The following CLMN variants were observed in gnomAD, a reference collection of about 807,000 sequenced individuals.
CLMN encodes the protein calmin, also known as calmin (calponin-like, transmembrane).
CLMN carries 57 observed loss-of-function variants against 92.7 expected under a neutral mutation model. The observed-to-expected ratio is 0.61, with a 90% CI of 0.50 to 0.77. The LOEUF (loss-of-function observed/expected upper bound fraction) is 0.77. CLMN is among the 30% of genes least tolerant of loss of function. CLMN has a pLI of 0.00. For synonymous variants in CLMN, 466 were observed against 470.6 expected (o/e 0.99, Z 0.13); for missense variants, 1,158 against 1,237.5 (o/e 0.94, Z 0.96).
rs76839602 is a variant in CLMN at position 95,237,792 on chromosome 14, G to A, written c.83-7659C>T. ...CAACCTTTTATATAAGTGACCTCCC[G>A]AGATGCTTTACATGCACTTGCTCAT... On this transcript the variant is annotated intron_variant, in intron 1 of 12. Transcript: ENST00000298912. Among the ~76,000 whole-genome samples the A allele has an allele frequency of 1.7e-4, 26 of 152,212 alleles. No homozygotes were observed. In the South Asian group the frequency reaches 4.1e-3, roughly 24 times the overall value.
At chr14:95,193,762 G>A (rs1595549792) in intron 12 of CLMN, 87 bp downstream of exon 12, 2 of 1,485,284 alleles carry the variant, frequency 1.3e-6, no homozygotes, top group East Asian at 4.5e-5. Flanking sequence ...CAAAGCAGTG[G>A]GAGAATAACC....
At position 95,194,442 on chromosome 14, in the gene CLMN, A is replaced by G. The variant is rs1896643862; in HGVS notation, c.2769+94T>C. On this transcript the variant is annotated intron_variant, in intron 11 of 12. Transcript: ENST00000298912. This position sits in a 1 kb window ranked among gnomAD's most constrained non-coding sequence, Gnocchi z 4.0. ...TCCAAAAGTATAGCTGTTGCATGCC[A>G]GTAATTTCAAAGCTCTGGGCTGGGG... is the stretch of plus-strand genomic sequence containing the variant. 1 of 1,599,734 alleles carries G rather than the reference A, an allele frequency of 6.3e-7. No homozygotes were observed. The highest frequency in any genetic ancestry group is 8.5e-7 in the Non-Finnish European group (1 of 1,171,568).
chr14:95,191,476 A>G lies in CLMN; in HGVS notation c.*88T>C. On this transcript the variant is annotated 3_prime_UTR_variant, in exon 13 of 13. Coordinates refer to ENST00000298912, the MANE Select transcript of CLMN (RefSeq NM_024734.4). This position sits in a 1 kb window ranked among gnomAD's most constrained non-coding sequence, Gnocchi z 5.3. ...TCCTCGGAGGTCCTCAACTGTCTGT[A>G]GAAGTGCCCCACCCAGAACCCAAAA... 1 of 1,111,764 alleles carries G rather than the reference A, an allele frequency of 9.0e-7. No homozygotes were observed. Among genetic ancestry groups the G allele is most frequent in the Non-Finnish European group, 1.2e-6 (1 of 800,176 alleles). 68.9% of individuals were successfully genotyped at this position (1,111,764 alleles called of 1,614,324 possible). A position where few individuals can be genotyped will look rare whatever the true frequency, so the allele number is the denominator to read the frequency against.
chr14:95,215,489 G>T, intron 5 of CLMN, 152 bp downstream of exon 5: 1 of 649,668 alleles, frequency 1.5e-6, no homozygotes, highest in Non-Finnish European at 2.7e-6. Context: ...TTAGCAACCA[G>T]ATTCTTCTAG....
intron 1 of CLMN, among the ~76,000 whole-genome samples, chr14:95,261,199 A>AG (rs903188644): frequency 2.0e-4 from 31 of 151,882 alleles, no homozygotes; most frequent in Non-Finnish European, 3.4e-4. Context: ...ATGCAAAAAA[A>AG]AAAAAAAAAG....
intron 1 of CLMN, among the ~76,000 whole-genome samples, chr14:95,304,009 G>A (rs1172217653): frequency 3.3e-5 from 5 of 152,182 alleles, no homozygotes; most frequent in African/African-American, 1.2e-4. Flanking sequence ...GTAGCAAGAA[G>A]GACCAGTGGT....
At chr14:95,270,357 C>T (rs779464979) in intron 1 of CLMN, among the ~76,000 whole-genome samples, 2 of 152,192 alleles carry the variant, frequency 1.3e-5, no homozygotes, top group Non-Finnish European at 2.9e-5. Flanking sequence ...AGTCTATGCA[C>T]AGAGTTGTAT....
chr14:95,313,099 G>A (rs1202362441), intron 1 of CLMN, among the ~76,000 whole-genome samples: 1 of 152,162 alleles, frequency 6.6e-6, no homozygotes, highest in Non-Finnish European at 1.5e-5. Flanking sequence ...CCAGCTACTC[G>A]AGAGGCTAAA....
At chr14:95,308,436 C>A (rs1481331434) in intron 1 of CLMN, among the ~76,000 whole-genome samples, 1 of 152,330 alleles carries the variant, frequency 6.6e-6, no homozygotes, top group Non-Finnish European at 1.5e-5. Context: ...ACATTCAAAT[C>A]TCATCTTACT....
At chr14:95,311,777 G>A (rs993451794) in intron 1 of CLMN, among the ~76,000 whole-genome samples, 3 of 152,004 alleles carry the variant, frequency 2.0e-5, no homozygotes, top group Non-Finnish European at 2.9e-5. Flanking sequence ...CCCCTACCCT[G>A]TGGGTTCATG....
At chr14:95,193,419 C>T in intron 12 of CLMN, 1 of 1,521,264 alleles carries the variant, frequency 6.6e-7, no homozygotes, top group Non-Finnish European at 8.8e-7. Context: ...ACTGTACCTG[C>T]AGTGGCAACA....
chr14:95,311,165 G>C (rs1159296037), intron 1 of CLMN, among the ~76,000 whole-genome samples: 1 of 152,148 alleles, frequency 6.6e-6, no homozygotes, highest in Non-Finnish European at 1.5e-5. Context: ...GCTATCTGAA[G>C]GTTCAGGTTC....
intron 1 of CLMN, among the ~76,000 whole-genome samples, chr14:95,238,747 T>C (rs997462704): frequency 6.6e-6 from 1 of 152,026 alleles, no homozygotes; most frequent in African/African-American, 2.4e-5. Flanking sequence ...CCCCAATACA[T>C]GCCCGCAGAG....
chr14:95,254,388 G>C (rs534591846), intron 1 of CLMN, among the ~76,000 whole-genome samples: 28 of 152,342 alleles, frequency 1.8e-4, no homozygotes, highest in Admixed American at 1.7e-3. Context: ...CTTGGCATTT[G>C]CTGATGTACA....
At chr14:95,214,344 CT>C (rs140176893) in intron 5 of CLMN, among the ~76,000 whole-genome samples, 4,285 of 109,336 alleles carry the variant, frequency 0.039, 21 homozygotes, top group African/African-American at 0.062. Flanking sequence ...GCTGCTGCTG[CT>C]TTTTTTTTTT....
At chr14:95,280,311 T>C (rs1900097143) in intron 1 of CLMN, among the ~76,000 whole-genome samples, 1 of 152,226 alleles carries the variant, frequency 6.6e-6, no homozygotes, top group African/African-American at 2.4e-5. Flanking sequence ...TTGGGTTTGA[T>C]ATTAATAGGA....
intron 10 of CLMN, among the ~76,000 whole-genome samples, chr14:95,195,304 G>A (rs1184657340): frequency 6.6e-6 from 1 of 152,236 alleles, no homozygotes; most frequent in African/African-American, 2.4e-5. Flanking sequence ...AGCGACATGA[G>A]AAGATCATAG....
chr14:95,258,215 G>A (rs1419008934), intron 1 of CLMN, among the ~76,000 whole-genome samples: 1 of 151,830 alleles, frequency 6.6e-6, no homozygotes, highest in Non-Finnish European at 1.5e-5. Context: ...GATGTGGTGT[G>A]TGTGGTGTGC....
intron 7 of CLMN, among the ~76,000 whole-genome samples, 159 bp downstream of exon 7, chr14:95,210,527 A>C (rs1005483321): frequency 6.6e-6 from 1 of 152,260 alleles, no homozygotes; most frequent in Admixed American, 6.5e-5. Flanking sequence ...AGGCATATAA[A>C]ATATCGGAAA....
Sources: gnomAD v4.1 joint callset for allele counts (sites outside exome capture counted in the v4.1 genomes callset) on GRCh38, gnomAD v4.1.1 for gene constraint, Gnocchi (gnomAD v3.1) non-coding constraint, MANE v1.5 for transcripts, NCBI Gene and HGNC (gene_info 2026-07-23, HGNC 2026-07-21) for gene names.